TLN2: variants seen among roughly 807,000 people sequenced by gnomAD.
TLN2 encodes the protein talin 2.
TLN2 carries 118 observed loss-of-function variants against 294.7 expected under a neutral mutation model. The ratio of observed to expected loss-of-function variants is 0.40; its 90% CI spans 0.34 to 0.47. The LOEUF (loss-of-function observed/expected upper bound fraction) is 0.47, where lower values mean the gene tolerates loss of function less well. TLN2 is among the 20% of genes least tolerant of loss of function. The pLI is 0.84. For missense variants in TLN2, 3,083 were observed against 3,282.2 expected, an observed-to-expected ratio of 0.94 and a Z score of 1.48; for synonymous variants, 1,431 against 1,304.5, an observed-to-expected ratio of 1.10 and a Z score of -2.09.
intron 28 of TLN2, among the ~76,000 whole-genome samples, chr15:62,733,174 G>T (rs999195975): frequency 6.6e-6 from 1 of 152,206 alleles, no homozygotes; most frequent in African/African-American, 2.4e-5. Context: ...ACATGGAGCT[G>T]TGGAGAGGGC....
intron 1 of TLN2, among the ~76,000 whole-genome samples, chr15:62,551,058 A>C (rs1186094806): frequency 6.6e-6 from 1 of 152,202 alleles, no homozygotes; most frequent in African/African-American, 2.4e-5. Flanking sequence ...ATCATCAGGC[A>C]TTCGATTCTC....
chr15:62,835,694 G>T, intron 55 of TLN2, 43 bp from the exon 56 acceptor site: 1 of 1,611,306 alleles, frequency 6.2e-7, no homozygotes, highest in Non-Finnish European at 8.5e-7. Flanking sequence ...CGACCACTGG[G>T]GCTGCCTGCC....
intron 32 of TLN2, among the ~76,000 whole-genome samples, chr15:62,744,797 C>T (rs1011574214): frequency 5.3e-5 from 8 of 152,172 alleles, no homozygotes; most frequent in African/African-American, 1.2e-4. Flanking sequence ...CCACCCACCT[C>T]GGCCTCCCAA....
chr15:62,706,941 T>A (rs1435202993), intron 19 of TLN2, 145 bp from the exon 20 acceptor site: 1 of 930,568 alleles, frequency 1.1e-6, no homozygotes, highest in Non-Finnish European at 1.5e-6. Flanking sequence ...CTTCTAAGGA[T>A]AAGTTGACAT....
chr15:62,513,500 A>G (rs570174398), intron 1 of TLN2, among the ~76,000 whole-genome samples: 1 of 152,304 alleles, frequency 6.6e-6, no homozygotes, highest in Non-Finnish European at 1.5e-5. Context: ...CGACAGGGAA[A>G]TGTCTTATAG....
At chr15:62,434,567 C>T (rs986306892) in intron 1 of TLN2, among the ~76,000 whole-genome samples, 1 of 152,146 alleles carries the variant, frequency 6.6e-6, no homozygotes, top group Non-Finnish European at 1.5e-5. Flanking sequence ...GTATGTTCAT[C>T]TTTAATTTAA....
At chr15:62,612,848 T>G (rs974148326) in intron 2 of TLN2, among the ~76,000 whole-genome samples, 1 of 152,236 alleles carries the variant, frequency 6.6e-6, no homozygotes, top group African/African-American at 2.4e-5. Context: ...GATGCTTTAG[T>G]GCAAAAAGAT....
intron 2 of TLN2, among the ~76,000 whole-genome samples, chr15:62,599,438 A>G (rs527376920): frequency 1.3e-5 from 2 of 152,318 alleles, no homozygotes; most frequent in South Asian, 4.1e-4. Context: ...TAGACTTGTA[A>G]TCTGTATGTG....
Position 62,697,845 on chromosome 15 carries a change from C to G in TLN2, c.1450C>G (p.His484Asp), listed in dbSNP as rs766955801. Residue 484 changes from histidine to aspartate, a missense_variant, in exon 15 of 59, where the codon CAC (histidine) becomes GAC (aspartate). Coordinates refer to ENST00000636159, the MANE Select transcript of TLN2 (RefSeq NM_015059.3). ...GCAGCAGGTCATGGTTGGGCAGATGCACCGAGGCCACATGCCGCCACTGGT... is the reference window on the plus strand; with the variant it reads ...GCAGCAGGTCATGGTTGGGCAGATGGACCGAGGCCACATGCCGCCACTGGT... The part of the protein sequence containing the change: ...PQQQVMVGQM[H>D]RGHMPPLTSA... 2.7e-5 allele frequency: 44 copies of G among 1,612,460 alleles called. No homozygotes were observed. In the South Asian group the frequency reaches 4.5e-4, roughly 17 times the overall value.
intron 9 of TLN2, chr15:62,658,310 A>T (rs992048019): frequency 6.2e-6 from 1 of 160,564 alleles, no homozygotes; most frequent in Non-Finnish European, 1.3e-5. Context: ...CATTCTTGGT[A>T]TTGTGCATTC....
chr15:62,669,378 A>G (rs1214210662), intron 9 of TLN2, among the ~76,000 whole-genome samples: 2 of 152,142 alleles, frequency 1.3e-5, no homozygotes, highest in Non-Finnish European at 2.9e-5. Context: ...TTGGCTGCGA[A>G]CTTTCAACCT....
At chr15:62,730,132 A>G (rs9796589) in intron 28 of TLN2, among the ~76,000 whole-genome samples, 148,377 of 150,762 alleles carry the variant, frequency 0.98, 73,064 homozygotes, top group Middle Eastern at 1. Flanking sequence ...GGGTTCAAGC[A>G]ATTCTCCTGC....
chr15:62,484,439 T>C (rs2140392065), intron 1 of TLN2, among the ~76,000 whole-genome samples: 2 of 152,210 alleles, frequency 1.3e-5, no homozygotes, highest in South Asian at 4.2e-4. Context: ...TTTTTTCTTT[T>C]TTTTGAGACG....
At chr15:62,759,101 A>G (rs1010406497) in intron 37 of TLN2, among the ~76,000 whole-genome samples, 1 of 152,158 alleles carries the variant, frequency 6.6e-6, no homozygotes, top group African/African-American at 2.4e-5. Flanking sequence ...CCCTTTCATC[A>G]TTATGGCTGG....
At chr15:62,491,142 C>T (rs1005630435) in intron 1 of TLN2, among the ~76,000 whole-genome samples, 14 of 151,894 alleles carry the variant, frequency 9.2e-5, no homozygotes, top group African/African-American at 3.1e-4. Flanking sequence ...GCCAACATGG[C>T]GAAACCCTGT....
rs988019524 is a variant in TLN2, at chr15:62,702,046, C to T, written c.1751C>T (p.Ser584Phe). The T allele has an allele frequency of 1.9e-6, 3 of 1,614,118 alleles. No individual in the cohort carries two copies. The African/African-American group carries it at 4.0e-5, about 22-fold the overall frequency. The change falls in exon 18 of 59, where the codon TCT becomes TTT. Residue 584 changes from serine to phenylalanine, a missense_variant. Coordinates refer to ENST00000636159, the MANE Select transcript of TLN2 (RefSeq NM_015059.3). ...GTGGGATGTGCGATCACCACTATTT[C>T]TTCCAACCTGACGGAGATGTCCAAG... Reference protein sequence around the residue: ...TAVGCAITTISSNLTEMSKGV... With the variant: ...TAVGCAITTIFSNLTEMSKGV...
rs148402491 is a variant in TLN2 at position 62,657,812 on chromosome 15, C to G, written c.702C>G (p.Phe234Leu). The G allele has an allele frequency of 1.2e-6, 2 of 1,613,842 alleles. No homozygotes were observed. Among genetic ancestry groups the G allele is most frequent in the Non-Finnish European group, 1.7e-6 (2 of 1,179,890 alleles). ...TGAATGGCTCTCACCCTGTCTCCTT[C>G]GAGAAAGCTTGTGAGTTTGGTGGAT... ...DILNGSHPVS[F>L]EKACEFGGFQ... The change falls in exon 9 of 59, where the codon TTC (phenylalanine) becomes TTG (leucine). Residue 234 changes from phenylalanine (F) to leucine (L), a missense_variant. Transcript: ENST00000636159.
intron 3 of TLN2, among the ~76,000 whole-genome samples, chr15:62,633,186 C>G (rs1277108969): frequency 6.6e-6 from 1 of 152,178 alleles, no homozygotes; most frequent in Non-Finnish European, 1.5e-5. Flanking sequence ...CAGATATGCC[C>G]TGGTTAGAGT....
chr15:62,836,263 CT>C, intron 57 of TLN2, 190 bp downstream of exon 57: 2 of 847,842 alleles, frequency 2.4e-6, no homozygotes. Flanking sequence ...TGCCATTCTC[CT>C]CGTGTGCCTT....
Sources: allele counts gnomAD v4.1 joint callset (sites outside exome capture counted in the v4.1 genomes callset), GRCh38; gene constraint gnomAD v4.1.1; transcripts MANE v1.5; gene names NCBI Gene and HGNC (gene_info 2026-07-23, HGNC 2026-07-21).